NEDD8: variants seen among roughly 807,000 people sequenced by gnomAD.
NEDD8 encodes the protein NEDD8 ubiquitin like modifier.
In NEDD8, 1 loss-of-function variant was observed where a neutral mutation model predicts 13.8. The ratio of observed to expected loss-of-function variants is 0.07; its 90% confidence interval spans 0.03 to 0.34. NEDD8 has a LOEUF of 0.34. Ranked by LOEUF, NEDD8 falls within the 10% of genes least tolerant of loss-of-function variation. NEDD8 has a pLI of 0.99. For synonymous variants in NEDD8, 31 were observed against 33.2 expected (o/e 0.93, Z 0.23); for missense variants, 10 against 95.2 (o/e 0.10, Z 3.73).
intron 1 of NEDD8, among the ~76,000 whole-genome samples, chr14:24,224,130 T>C (rs2039852807): frequency 6.6e-6 from 1 of 152,090 alleles, no homozygotes; most frequent in Non-Finnish European, 1.5e-5. Flanking sequence ...GGGTTTTCAC[T>C]GTGTTAGCCA....
At chr14:24,221,011 A>T (rs989864517) in intron 1 of NEDD8, among the ~76,000 whole-genome samples, 1 of 152,276 alleles carries the variant, frequency 6.6e-6, no homozygotes, top group Non-Finnish European at 1.5e-5. Context: ...CAAAAATACA[A>T]GAACAATTCC....
At chr14:24,219,734 G>A (rs1480306991) in intron 1 of NEDD8, among the ~76,000 whole-genome samples, 3 of 152,070 alleles carry the variant, frequency 2.0e-5, no homozygotes, top group Non-Finnish European at 4.4e-5. Flanking sequence ...AGTGATCCAG[G>A]CCACAAACAC....
At chr14:24,231,494 T>TGGG (rs34585547) in intron 1 of NEDD8, among the ~76,000 whole-genome samples, 7 of 67,590 alleles carry the variant, frequency 1.0e-4, no homozygotes, top group African/African-American at 3.0e-4. Flanking sequence ...GAGGGGGGCG[T>TGGG]GGGGGGGGGG....
intron 1 of NEDD8, 164 bp downstream of exon 1, chr14:24,232,086 C>A: frequency 4.5e-6 from 5 of 1,103,326 alleles, no homozygotes; most frequent in Non-Finnish European, 6.4e-6. Flanking sequence ...CTCTCAAAGC[C>A]CTTCTGGGTC....
intron 2 of NEDD8, 74 bp from the exon 3 acceptor site, chr14:24,218,289 C>T: frequency 1.2e-6 from 2 of 1,613,630 alleles, no homozygotes; most frequent in South Asian, 2.2e-5. Flanking sequence ...AAGGGCTATG[C>T]AGACAGCATG....
chr14:24,221,596 A>T (rs1451128743), intron 1 of NEDD8, among the ~76,000 whole-genome samples: 7 of 150,714 alleles, frequency 4.6e-5, no homozygotes, highest in South Asian at 2.1e-4. Context: ...ACAAATTTTT[A>T]TTTATTTATT....
intron 1 of NEDD8, among the ~76,000 whole-genome samples, chr14:24,231,072 G>T (rs1367756115): frequency 1.3e-5 from 2 of 151,972 alleles, no homozygotes; most frequent in Non-Finnish European, 2.9e-5. Context: ...TGAATTTATT[G>T]TACAGGCAGG....
chr14:24,217,462 G>T (rs1479512689), intron 3 of NEDD8, among the ~76,000 whole-genome samples: 2 of 152,034 alleles, frequency 1.3e-5, no homozygotes, highest in African/African-American at 4.8e-5. Flanking sequence ...GCTAATTTTT[G>T]TATTTTTAGT....
At chr14:24,218,673 T>A in intron 1 of NEDD8, 1 of 585,956 alleles carries the variant, frequency 1.7e-6, no homozygotes, top group East Asian at 2.8e-5. Flanking sequence ...ATTCCATGAG[T>A]CATCTTCCAA....
intron 1 of NEDD8, among the ~76,000 whole-genome samples, chr14:24,223,891 C>T (rs751882881): frequency 7.9e-5 from 12 of 151,970 alleles, no homozygotes; most frequent in Non-Finnish European, 1.0e-4. Flanking sequence ...CGTGTCACTA[C>T]GCCTGGCTAA....
At chr14:24,224,342 G>A (rs1318534603) in intron 1 of NEDD8, among the ~76,000 whole-genome samples, 1 of 152,168 alleles carries the variant, frequency 6.6e-6, no homozygotes, top group Non-Finnish European at 1.5e-5. Context: ...GGGATTACAG[G>A]CATGAGCCAC....
intron 1 of NEDD8, 51 bp downstream of exon 1, chr14:24,232,199 T>A: frequency 6.2e-7 from 1 of 1,613,454 alleles, no homozygotes; most frequent in Non-Finnish European, 8.5e-7. Context: ...CGTAAGGCAC[T>A]GCTGCCAGCC....
intron 1 of NEDD8, among the ~76,000 whole-genome samples, chr14:24,223,691 A>G (rs2039843726): frequency 6.6e-6 from 1 of 151,250 alleles, no homozygotes; most frequent in Non-Finnish European, 1.5e-5. Flanking sequence ...TGGGACTACA[A>G]GCACACACCA....
chr14:24,223,376 G>A (rs1277601151), intron 1 of NEDD8, among the ~76,000 whole-genome samples: 2 of 152,044 alleles, frequency 1.3e-5, no homozygotes, highest in Non-Finnish European at 2.9e-5. Flanking sequence ...TCCAGCTTGG[G>A]TGACAGAGGG....
chr14:24,221,422 G>A (rs2039808075), intron 1 of NEDD8, among the ~76,000 whole-genome samples: 1 of 151,620 alleles, frequency 6.6e-6, no homozygotes, highest in Non-Finnish European at 1.5e-5. Context: ...TGGCATCACA[G>A]GCGGGCACCA....
intron 1 of NEDD8, among the ~76,000 whole-genome samples, chr14:24,229,244 C>T (rs995823001): frequency 1.5e-4 from 23 of 152,142 alleles, no homozygotes; most frequent in Admixed American, 1.5e-3. Context: ...TTTTTTGAGA[C>T]AGTCTCACTC....
chr14:24,219,730 C>T (rs1237973981), intron 1 of NEDD8, among the ~76,000 whole-genome samples: 1 of 152,126 alleles, frequency 6.6e-6, no homozygotes, highest in Non-Finnish European at 1.5e-5. Context: ...CTACAGTGAT[C>T]CAGGCCACAA....
intron 1 of NEDD8, among the ~76,000 whole-genome samples, chr14:24,223,741 T>G (rs894307191): frequency 7.3e-6 from 1 of 136,464 alleles, no homozygotes; most frequent in Non-Finnish European, 1.5e-5. Context: ...AAAAAAAAAT[T>G]TTTTTTTTTT....
chr14:24,230,616 CTT>C (rs751786098), intron 1 of NEDD8, among the ~76,000 whole-genome samples: 9 of 136,326 alleles, frequency 6.6e-5, no homozygotes, highest in Admixed American at 7.3e-5. Context: ...CTCTCTCTTT[CTT>C]TTTTTTTTTT....
Sources: gnomAD v4.1 joint callset for allele counts (sites outside exome capture counted in the v4.1 genomes callset) on GRCh38, gnomAD v4.1.1 for gene constraint, MANE v1.5 for transcripts, NCBI Gene and HGNC (gene_info 2026-07-23, HGNC 2026-07-21) for gene names.